Variants in SPTLC3 observed in about 807,000 individuals in gnomAD.
The protein encoded by SPTLC3 is serine palmitoyltransferase 3.
SPTLC3 carries 36 observed loss-of-function variants against 59.3 expected under a neutral mutation model. The observed-to-expected ratio is 0.61, with a 90% confidence interval of 0.47 to 0.80. SPTLC3 has a LOEUF of 0.80. SPTLC3 is among the 30% of genes least tolerant of loss of function. The probability of loss-of-function intolerance (pLI) is 0.00; values close to 1 mark genes in which losing one functional copy is unlikely to be tolerated. For synonymous variants in SPTLC3, 257 were observed against 240.8 expected (o/e 1.07, Z -0.62); for missense variants, 625 against 685.1 (o/e 0.91, Z 0.98).
intron 8 of SPTLC3, among the ~76,000 whole-genome samples, chr20:13,121,571 C>T (rs74846650): frequency 0.031 from 4,793 of 152,186 alleles, 119 homozygotes; most frequent in South Asian, 0.078. Context: ...AACCTCGATA[C>T]GAGGAGACCT....
intron 1 of SPTLC3, among the ~76,000 whole-genome samples, chr20:13,010,593 CCTG>C (rs1407464444): frequency 1.3e-5 from 2 of 152,146 alleles, no homozygotes. Flanking sequence ...GGATCTGAAA[CCTG>C]GAGCAATGTG....
intron 1 of SPTLC3, among the ~76,000 whole-genome samples, chr20:13,032,918 A>T (rs902215556): frequency 6.6e-6 from 1 of 152,184 alleles, no homozygotes; most frequent in Non-Finnish European, 1.5e-5. Context: ...GGGCTGGAGT[A>T]GCTAATATAG....
At chr20:13,056,406 T>A (rs1366403546) in intron 2 of SPTLC3, among the ~76,000 whole-genome samples, 1 of 152,044 alleles carries the variant, frequency 6.6e-6, no homozygotes, top group Non-Finnish European at 1.5e-5. Context: ...ATCTTTCTGA[T>A]GGGACTTGAT....
chr20:13,138,667 T>C (rs2038309885), intron 9 of SPTLC3, among the ~76,000 whole-genome samples: 1 of 152,214 alleles, frequency 6.6e-6, no homozygotes, highest in South Asian at 2.1e-4. Flanking sequence ...ACTTATAGAA[T>C]TATTTTAGTT....
At chr20:13,149,462 C>A (rs2038594642) in intron 9 of SPTLC3, among the ~76,000 whole-genome samples, 1 of 152,230 alleles carries the variant, frequency 6.6e-6, no homozygotes, top group Non-Finnish European at 1.5e-5. Flanking sequence ...ACAAATTCCA[C>A]CTCTGTCCCC....
chr20:13,090,536 G>GT (rs1396005577), intron 4 of SPTLC3, among the ~76,000 whole-genome samples: 1 of 152,096 alleles, frequency 6.6e-6, no homozygotes, highest in East Asian at 1.9e-4. Context: ...GGGTTTTTTT[G>GT]TAAATTATAT....
At chr20:13,032,223 T>G (rs1986511740) in intron 1 of SPTLC3, among the ~76,000 whole-genome samples, 1 of 152,138 alleles carries the variant, frequency 6.6e-6, no homozygotes, top group Non-Finnish European at 1.5e-5. Context: ...ATAAACAAGA[T>G]CAGAATAATG....
chr20:13,096,541 C>T (rs1336366554), intron 6 of SPTLC3, among the ~76,000 whole-genome samples: 1 of 151,218 alleles, frequency 6.6e-6, no homozygotes, highest in Non-Finnish European at 1.5e-5. Context: ...CAGACACAAA[C>T]GTGTATACAT....
At chr20:13,117,016 T>G (rs1331856883) in intron 7 of SPTLC3, among the ~76,000 whole-genome samples, 4 of 152,240 alleles carry the variant, frequency 2.6e-5, no homozygotes, top group African/African-American at 9.6e-5. Context: ...TAATTAACAC[T>G]ATGATGTCTT....
chr20:13,047,453 T>C (rs1314437828), intron 1 of SPTLC3, among the ~76,000 whole-genome samples: 2 of 152,152 alleles, frequency 1.3e-5, no homozygotes, highest in Non-Finnish European at 2.9e-5. Flanking sequence ...CTGACAATTT[T>C]TGTAAATCAC....
intron 1 of SPTLC3, among the ~76,000 whole-genome samples, chr20:13,044,966 G>T (rs1268801966): frequency 6.7e-6 from 1 of 149,684 alleles, no homozygotes; most frequent in Non-Finnish European, 1.5e-5. Flanking sequence ...TTCACATTTT[G>T]CTCTACATTA....
intron 10 of SPTLC3, among the ~76,000 whole-genome samples, chr20:13,157,963 A>G (rs955728216): frequency 6.6e-6 from 1 of 152,244 alleles, no homozygotes; most frequent in Non-Finnish European, 1.5e-5. Context: ...TATAGTCTGT[A>G]GCCAGTTATC....
intron 2 of SPTLC3, among the ~76,000 whole-genome samples, chr20:13,066,025 A>G (rs1179657503): frequency 6.6e-6 from 1 of 152,250 alleles, no homozygotes; most frequent in South Asian, 2.1e-4. Flanking sequence ...TATGCGTACA[A>G]CATAATTGAA....
Position 13,164,891 on chromosome 20 carries a change from TAAAGACTTTGCGAG to T in SPTLC3, c.*31_*44del. The T allele has an allele frequency of 6.3e-7, 1 of 1,590,476 alleles. No homozygotes were observed. ...AAGTTTCCTGGTCCTGAATGACACA[TAAAGACTTTGCGAG>T]AAAGACCTCCCTCCTTGCCTCACAA... On this transcript the variant is annotated 3_prime_UTR_variant, in exon 12 of 12. Transcript: ENST00000399002.
chr20:13,028,312 G>T (rs1267016751), intron 1 of SPTLC3, among the ~76,000 whole-genome samples: 1 of 152,146 alleles, frequency 6.6e-6, no homozygotes, highest in Non-Finnish European at 1.5e-5. Context: ...TGAAAGCTCA[G>T]GGGGCTGATG....
chr20:13,079,150 A>G (rs1332797538), intron 4 of SPTLC3, among the ~76,000 whole-genome samples: 1 of 152,178 alleles, frequency 6.6e-6, no homozygotes, highest in Non-Finnish European at 1.5e-5. Context: ...CGGAGATACC[A>G]TATCCTTGAA....
At chr20:13,017,198 T>C (rs1481896930) in intron 1 of SPTLC3, among the ~76,000 whole-genome samples, 1 of 152,190 alleles carries the variant, frequency 6.6e-6, no homozygotes, top group Non-Finnish European at 1.5e-5. Flanking sequence ...TCATTCTTAA[T>C]AAAAATTTTA....
At chr20:13,103,294 C>G (rs6109701) in intron 6 of SPTLC3, among the ~76,000 whole-genome samples, 58,434 of 152,108 alleles carry the variant, frequency 0.38, 13,980 homozygotes, top group African/African-American at 0.69. Flanking sequence ...CCACCACCAT[C>G]TTAAAAGTAA....
intron 9 of SPTLC3, among the ~76,000 whole-genome samples, chr20:13,144,143 G>A (rs998245850): frequency 2.6e-5 from 4 of 152,184 alleles, no homozygotes; most frequent in African/African-American, 9.7e-5. Context: ...TTCTAGGCAA[G>A]TACTCATCCC....
Sources: gnomAD v4.1 joint callset for allele counts (sites outside exome capture counted in the v4.1 genomes callset) on GRCh38, gnomAD v4.1.1 for gene constraint, MANE v1.5 for transcripts, NCBI Gene and HGNC (gene_info 2026-07-23, HGNC 2026-07-21) for gene names.